Variants in MAGI2 observed in about 807,000 individuals in gnomAD.
MAGI2 encodes the protein membrane associated guanylate kinase, WW and PDZ domain containing 2.
Under a neutral mutation model 133.3 loss-of-function variants are expected in MAGI2, and 35 were observed. That is an observed-to-expected ratio of 0.26 (90% CI 0.20 to 0.35). The LOEUF (loss-of-function observed/expected upper bound fraction) is 0.35, where lower values mean the gene tolerates loss of function less well. Ranked by LOEUF, MAGI2 falls within the 10% of genes least tolerant of loss-of-function variation. The pLI, the probability that MAGI2 is intolerant of heterozygous loss-of-function variation, is 1.00. For missense variants in MAGI2, 1,636 were observed against 1,863.4 expected, an observed-to-expected ratio of 0.88 and a Z score of 2.25; for synonymous variants, 729 against 710.6, an observed-to-expected ratio of 1.03 and a Z score of -0.41.
intron 2 of MAGI2, among the ~76,000 whole-genome samples, chr7:78,778,089 C>T (rs555635179): frequency 6.6e-6 from 1 of 152,306 alleles, no homozygotes; most frequent in East Asian, 1.9e-4. Flanking sequence ...GTTTTGATTT[C>T]TGCAAGCCAG....
chr7:78,202,369 T>C (rs1289039684), intron 10 of MAGI2, among the ~76,000 whole-genome samples: 2 of 152,034 alleles, frequency 1.3e-5, no homozygotes, highest in Non-Finnish European at 2.9e-5. Flanking sequence ...TGTGAATAAG[T>C]GATGATTAAT....
intron 20 of MAGI2, among the ~76,000 whole-genome samples, chr7:78,080,806 C>T (rs1337047999): frequency 6.6e-6 from 1 of 152,086 alleles, no homozygotes; most frequent in Non-Finnish European, 1.5e-5. Flanking sequence ...TGGTTAATGG[C>T]AACACCATTC....
chr7:78,723,570 T>C lies in MAGI2; in HGVS notation c.419-96331A>G, dbSNP rs550781169. On this transcript the variant is annotated intron_variant, in intron 2 of 21. Coordinates refer to ENST00000354212, the MANE Select transcript of MAGI2 (RefSeq NM_012301.4). ...GTAAAATTAGGGTATGTAGAGATAG[T>C]ATGAAGGGCAATTAAGAAGAGGAAA... Among the ~76,000 whole-genome samples, 169 of 152,164 alleles carry C rather than the reference T, an allele frequency of 1.1e-3. 1 individual carries two copies. The highest frequency in any genetic ancestry group is 2.9e-3 in the Admixed American group (45 of 15,290).
At chr7:79,372,277 GA>G (rs1252930531) in intron 1 of MAGI2, among the ~76,000 whole-genome samples, 1 of 152,054 alleles carries the variant, frequency 6.6e-6, no homozygotes, top group Non-Finnish European at 1.5e-5. Context: ...ACAATTCAAA[GA>G]ATGAAACTAT....
intron 1 of MAGI2, among the ~76,000 whole-genome samples, chr7:79,237,488 C>A (rs1194420846): frequency 6.6e-6 from 1 of 152,158 alleles, no homozygotes; most frequent in East Asian, 1.9e-4. Flanking sequence ...TTAGACCATG[C>A]ATGCATACAC....
At chr7:79,449,363 T>TA (rs1200383902) in intron 1 of MAGI2, among the ~76,000 whole-genome samples, 2 of 151,714 alleles carry the variant, frequency 1.3e-5, no homozygotes, top group Non-Finnish European at 1.5e-5. Flanking sequence ...ATTTTTTTTT[T>TA]TTTTTGCCTT....
chr7:78,804,156 T>C (rs890724459), intron 2 of MAGI2, among the ~76,000 whole-genome samples: 1 of 152,200 alleles, frequency 6.6e-6, no homozygotes, highest in Non-Finnish European at 1.5e-5. Context: ...CACAGACAAG[T>C]ACTACGTTTT....
At chr7:78,515,787 T>A (rs957894702) in intron 4 of MAGI2, among the ~76,000 whole-genome samples, 2 of 151,960 alleles carry the variant, frequency 1.3e-5, no homozygotes. Flanking sequence ...TAATCCCAGC[T>A]ACTTGGGAGG....
intron 6 of MAGI2, among the ~76,000 whole-genome samples, chr7:78,477,971 C>A (rs372579295): frequency 6.6e-6 from 1 of 151,490 alleles, no homozygotes; most frequent in South Asian, 2.1e-4. Context: ...ACGTGCAGAA[C>A]GTGCAGGTTT....
chr7:78,775,834 C>T (rs563647795), intron 2 of MAGI2, among the ~76,000 whole-genome samples: 1 of 152,310 alleles, frequency 6.6e-6, no homozygotes, highest in Admixed American at 6.5e-5. Flanking sequence ...GCAACTGGTG[C>T]TACACAATTA....
At chr7:78,964,716 G>A (rs2115850206) in intron 2 of MAGI2, among the ~76,000 whole-genome samples, 1 of 152,080 alleles carries the variant, frequency 6.6e-6, no homozygotes, top group South Asian at 2.1e-4. Flanking sequence ...AAAGGGGTTA[G>A]AGTAAAAATT....
chr7:79,227,129 C>T lies in MAGI2; in HGVS notation c.302-219923G>A, dbSNP rs191971915. Among the ~76,000 whole-genome samples the T allele has an allele frequency of 8.5e-4, 129 of 152,256 alleles. 2 individuals carry two copies. Among genetic ancestry groups the T allele is most frequent in the African/African-American group, 2.9e-3 (121 of 41,558 alleles). ...TGCAAGCTGGCTGCTAACAAAACCA[C>T]TGGCAATAAATAGTATGAGTGTTCT... On this transcript the variant is annotated intron_variant, in intron 1 of 21. Transcript: ENST00000354212.
intron 1 of MAGI2, among the ~76,000 whole-genome samples, chr7:79,298,884 C>T (rs10229848): frequency 4.1e-4 from 63 of 152,092 alleles, no homozygotes; most frequent in Non-Finnish European, 6.6e-4. Context: ...GATATCTACA[C>T]GCCAAGAAGA....
intron 6 of MAGI2, among the ~76,000 whole-genome samples, chr7:78,415,137 G>C (rs1248752445): frequency 6.6e-6 from 1 of 152,038 alleles, no homozygotes; most frequent in Admixed American, 6.6e-5. Context: ...TTTAAAGCCT[G>C]TGCCTTACCT....
intron 3 of MAGI2, among the ~76,000 whole-genome samples, chr7:78,603,919 A>G (rs891334706): frequency 3.3e-5 from 5 of 152,222 alleles, no homozygotes; most frequent in Non-Finnish European, 5.9e-5. Context: ...TATGACAGGT[A>G]CTGTGGTAGG....
chr7:78,150,098 T>A (rs1012771414), intron 16 of MAGI2, among the ~76,000 whole-genome samples: 3 of 152,140 alleles, frequency 2.0e-5, no homozygotes, highest in African/African-American at 7.2e-5. Flanking sequence ...GGTGGTCAAA[T>A]GCACAAATAA....
At chr7:78,538,806 G>T (rs1798172936) in intron 3 of MAGI2, among the ~76,000 whole-genome samples, 1 of 152,088 alleles carries the variant, frequency 6.6e-6, no homozygotes, top group Non-Finnish European at 1.5e-5. Context: ...AGTTTGACTT[G>T]CTCTTTGCTG....
At position 78,132,907 on chromosome 7, in the gene MAGI2, A is replaced by G; in HGVS notation, c.3185T>C (p.Leu1062Pro). 6.2e-7 allele frequency: 1 copy of G among 1,613,980 alleles called. No homozygotes were observed. The highest frequency in any genetic ancestry group is 8.5e-7 in the Non-Finnish European group (1 of 1,179,968). The change falls in exon 18 of 22, where the codon CTG (leucine) becomes CCG (proline). Residue 1062 changes from leucine to proline, a missense_variant. Coordinates refer to ENST00000354212, the MANE Select transcript of MAGI2 (RefSeq NM_012301.4). ...ATTTTACCTATTTTCGTGTCCTTGCAGCTGAAGTGGTTGAGGTGGTGCTGG... is the reference window on the plus strand; with the variant it reads ...ATTTTACCTATTTTCGTGTCCTTGCGGCTGAAGTGGTTGAGGTGGTGCTGG... ...AQPAPPQPLQ[L>P]QGHENSYRSE...
intron 1 of MAGI2, among the ~76,000 whole-genome samples, chr7:79,426,554 T>C (rs764852611): frequency 2.0e-5 from 3 of 152,186 alleles, no homozygotes; most frequent in Admixed American, 6.5e-5. Flanking sequence ...AGCGAAGATA[T>C]TGGTTATTTA....
Sources: gnomAD v4.1 joint callset for allele counts (sites outside exome capture counted in the v4.1 genomes callset) on GRCh38, gnomAD v4.1.1 for gene constraint, MANE v1.5 for transcripts, NCBI Gene and HGNC (gene_info 2026-07-23, HGNC 2026-07-21) for gene names.